The following GLCCI1 variants were observed in gnomAD, a reference collection of about 807,000 sequenced individuals.
GLCCI1 encodes the protein glucocorticoid induced 1, also known as glucocorticoid-induced transcript 1 protein.
In GLCCI1, 24 loss-of-function variants were observed where a neutral mutation model predicts 52.2. The observed-to-expected ratio is 0.46, with a 90% CI of 0.33 to 0.65. The LOEUF (loss-of-function observed/expected upper bound fraction) is 0.65, where lower values mean the gene tolerates loss of function less well. Among genes scored for constraint, GLCCI1 ranks in the 30% least tolerant of loss-of-function variants. The pLI is 0.02. For missense variants in GLCCI1, 704 were observed against 701.5 expected (o/e 1.00, Z -0.04); for synonymous variants, 310 against 276.5 (o/e 1.12, Z -1.20).
intron 1 of GLCCI1, among the ~76,000 whole-genome samples, chr7:7,978,368 A>G (rs148865381): frequency 2.0e-5 from 3 of 152,346 alleles, no homozygotes; most frequent in African/African-American, 4.8e-5. Context: ...AACATTTAAC[A>G]TAGTATCTTT....
intron 5 of GLCCI1, chr7:8,070,216 T>G (rs1315397832): frequency 1.3e-5 from 2 of 152,212 alleles, no homozygotes; most frequent in East Asian, 3.9e-4. Flanking sequence ...TGATGATGGT[T>G]TCCTTTTTTT....
chr7:7,986,779 T>C (rs1780742362), intron 1 of GLCCI1, among the ~76,000 whole-genome samples: 2 of 152,224 alleles, frequency 1.3e-5, no homozygotes, highest in African/African-American at 4.8e-5. Context: ...CCAGCCTTTA[T>C]GGTTAAGAGA....
chr7:8,013,202 C>G (rs768229748), intron 2 of GLCCI1, among the ~76,000 whole-genome samples: 1 of 152,068 alleles, frequency 6.6e-6, no homozygotes, highest in Non-Finnish European at 1.5e-5. Flanking sequence ...TTCATTTAAA[C>G]TATATTTTCT....
chr7:7,980,683 G>C, intron 1 of GLCCI1: 1 of 759,318 alleles, frequency 1.3e-6, no homozygotes, highest in African/African-American at 1.7e-5. Flanking sequence ...AATGTCCATG[G>C]TGAATAATGA....
intron 4 of GLCCI1, among the ~76,000 whole-genome samples, chr7:8,058,221 T>A (rs1459999467): frequency 6.6e-6 from 1 of 152,106 alleles, no homozygotes; most frequent in African/African-American, 2.4e-5. Flanking sequence ...TTAAAAGAAA[T>A]ATGTAAACTA....
chr7:8,012,578 G>A (rs1460993504), intron 2 of GLCCI1, among the ~76,000 whole-genome samples: 1 of 150,932 alleles, frequency 6.6e-6, no homozygotes, highest in South Asian at 2.1e-4. Context: ...CCGAGTAGCT[G>A]GGACTACAGG....
intron 5 of GLCCI1, among the ~76,000 whole-genome samples, chr7:8,061,915 C>G (rs1188988120): frequency 6.6e-6 from 1 of 152,074 alleles, no homozygotes; most frequent in East Asian, 1.9e-4. Context: ...GATCCGCCCA[C>G]CTCGGCCTCC....
At chr7:8,001,855 C>T (rs142881920) in intron 1 of GLCCI1, among the ~76,000 whole-genome samples, 1,714 of 152,060 alleles carry the variant, frequency 0.011, 31 homozygotes, top group Middle Eastern at 0.044. Flanking sequence ...TCGCAAGGAC[C>T]AAACACTGCA....
At chr7:8,014,470 A>G (rs1346668229) in intron 2 of GLCCI1, among the ~76,000 whole-genome samples, 1 of 152,212 alleles carries the variant, frequency 6.6e-6, no homozygotes, top group Non-Finnish European at 1.5e-5. Context: ...GGAAAATGCC[A>G]TTTCATCAGT....
chr7:8,023,284 G>T (rs1326099384), intron 3 of GLCCI1, among the ~76,000 whole-genome samples: 1 of 152,070 alleles, frequency 6.6e-6, no homozygotes, highest in Admixed American at 6.6e-5. Context: ...CAAAGTGCTG[G>T]AATTACAGGC....
At chr7:7,981,882 A>G (rs1321211305) in intron 1 of GLCCI1, 12 of 459,560 alleles carry the variant, frequency 2.6e-5, no homozygotes, top group East Asian at 2.6e-4. Context: ...CTCCAAGTCA[A>G]GTCACTCACA....
chr7:8,066,294 T>G (rs2127962951), intron 5 of GLCCI1, among the ~76,000 whole-genome samples: 1 of 152,246 alleles, frequency 6.6e-6, no homozygotes, highest in East Asian at 1.9e-4. Context: ...TTTTTCTTTA[T>G]TAGTCTAGCT....
intron 1 of GLCCI1, among the ~76,000 whole-genome samples, chr7:7,995,793 C>T (rs1463262967): frequency 6.6e-6 from 1 of 152,028 alleles, no homozygotes; most frequent in Non-Finnish European, 1.5e-5. Context: ...GGAGATATAA[C>T]TAATGTAAAT....
chr7:7,971,463 T>G (rs1385295214), intron 1 of GLCCI1, among the ~76,000 whole-genome samples: 3 of 152,192 alleles, frequency 2.0e-5, no homozygotes, highest in African/African-American at 7.2e-5. Context: ...AGTGCACAAA[T>G]TGAGTTTTGG....
chr7:8,023,754 A>T (rs1299810043), intron 3 of GLCCI1, among the ~76,000 whole-genome samples: 2 of 151,536 alleles, frequency 1.3e-5, no homozygotes, highest in African/African-American at 4.9e-5. Context: ...ATGTGCCACC[A>T]TGTCCAGCTA....
Position 7,969,253 on chromosome 7 carries a change from C to T in GLCCI1, c.-98C>T, listed in dbSNP as rs1470341870. On this transcript the variant is annotated 5_prime_UTR_variant, in exon 1 of 8. Transcript: ENST00000223145. The surrounding 1 kb of genome is among the most constrained non-coding windows in gnomAD (Gnocchi z 4.9). ...GATACCCCCGCCCCTCCCCCTTACA[C>T]ACTCGCACGCACTATCGCGCCGGCT... The T allele has an allele frequency of 3.6e-5, 40 of 1,100,518 alleles. No homozygotes were observed. Among genetic ancestry groups the T allele is most frequent in the Non-Finnish European group, 4.5e-5 (40 of 884,948 alleles). 68.2% of individuals were successfully genotyped at this position (1,100,518 alleles called of 1,614,324 possible).
chr7:8,048,562 G>A (rs1029033296), intron 3 of GLCCI1, among the ~76,000 whole-genome samples: 7 of 152,102 alleles, frequency 4.6e-5, no homozygotes, highest in African/African-American at 1.7e-4. Flanking sequence ...GAACATACAT[G>A]AGTCTTTCCA....
At chr7:8,019,642 A>G (rs1236565262) in intron 2 of GLCCI1, among the ~76,000 whole-genome samples, 2 of 152,144 alleles carry the variant, frequency 1.3e-5, no homozygotes, top group Non-Finnish European at 2.9e-5. Context: ...TACTTACACA[A>G]ACCTAGATGG....
rs1302160026 is a variant in GLCCI1 at position 8,075,693 on chromosome 7, A to T, written c.1177+4562A>T. On this transcript the variant is annotated intron_variant, in intron 6 of 7. Coordinates refer to ENST00000223145, the MANE Select transcript of GLCCI1 (RefSeq NM_138426.4). ...TTATGCAGTTGTTATAAAATTCTGC[A>T]ATTTTGCAGGATATTGTGGAAACAT... Among the ~76,000 whole-genome samples, 3 of 152,204 alleles carry T rather than the reference A, an allele frequency of 2.0e-5. No homozygotes were observed. In the East Asian group the frequency reaches 5.8e-4, roughly 29 times the overall value.
Sources: allele counts gnomAD v4.1 joint callset (sites outside exome capture counted in the v4.1 genomes callset), GRCh38; gene constraint gnomAD v4.1.1; non-coding constraint Gnocchi (gnomAD v3.1); transcripts MANE v1.5; gene names NCBI Gene and HGNC (gene_info 2026-07-23, HGNC 2026-07-21).